The following WIF1 variants were observed in gnomAD, a reference collection of about 807,000 sequenced individuals.
WIF1 encodes Wnt inhibitory factor 1.
WIF1 carries 35 observed loss-of-function variants against 53.5 expected under a neutral mutation model. That is an observed-to-expected ratio of 0.65 (90% CI 0.50 to 0.87). The LOEUF (loss-of-function observed/expected upper bound fraction) is 0.87, where lower values mean the gene tolerates loss of function less well. Among genes scored for constraint, WIF1 ranks in the 40% least tolerant of loss-of-function variants. WIF1 has a pLI of 0.00. For synonymous variants in WIF1, 171 were observed against 170.4 expected, an observed-to-expected ratio of 1.00 and a Z score of -0.03; for missense variants, 467 against 476.8, an observed-to-expected ratio of 0.98 and a Z score of 0.19.
chr12:65,073,228 G>A (rs543439161), intron 3 of WIF1, among the ~76,000 whole-genome samples: 18 of 152,292 alleles, frequency 1.2e-4, no homozygotes, highest in South Asian at 4.1e-4. Context: ...AAGCTGCCCT[G>A]CCAGCCATTC....
intron 2 of WIF1, among the ~76,000 whole-genome samples, chr12:65,094,741 A>G (rs1883175617): frequency 6.6e-6 from 1 of 152,036 alleles, no homozygotes; most frequent in Non-Finnish European, 1.5e-5. Flanking sequence ...AATGCAATAA[A>G]TAAAGAGGGC....
chr12:65,059,400 T>C (rs1472760863), intron 7 of WIF1, among the ~76,000 whole-genome samples: 1 of 152,232 alleles, frequency 6.6e-6, no homozygotes, highest in African/African-American at 2.4e-5. Flanking sequence ...TTGAGAACTT[T>C]AATAAGAAGA....
Position 65,121,302 on chromosome 12 carries a change from G to C in WIF1, c.-111C>G, listed in dbSNP as rs78942476. ...AGCTCCCTCAGCCAGGGCTGTTCCC[G>C]TTTAGACGGCTGGGCGCGTCGCCTC... On this transcript the variant is annotated 5_prime_UTR_variant, in exon 1 of 10. Coordinates refer to ENST00000286574, the MANE Select transcript of WIF1 (RefSeq NM_007191.5). 0.015 allele frequency: 18,781 copies of C among 1,268,146 alleles called. 166 individuals carry two copies. Among genetic ancestry groups the C allele is most frequent in the Non-Finnish European group, 0.017 (16,920 of 1,001,760 alleles). The allele number at this position is 1,268,146 out of a possible 1,614,324, so 78.6% of individuals were successfully genotyped here.
intron 2 of WIF1, among the ~76,000 whole-genome samples, chr12:65,119,271 G>A (rs952441304): frequency 3.9e-5 from 6 of 152,126 alleles, no homozygotes; most frequent in African/African-American, 1.2e-4. Context: ...TCTGCAAAAT[G>A]GGGGTATTAA....
chr12:65,073,900 A>G (rs1882819724), intron 3 of WIF1, among the ~76,000 whole-genome samples: 2 of 152,102 alleles, frequency 1.3e-5, no homozygotes, highest in Non-Finnish European at 2.9e-5. Flanking sequence ...AGGGAGTTGT[A>G]TATGCAAAGG....
At chr12:65,095,072 A>G (rs61924764) in intron 2 of WIF1, among the ~76,000 whole-genome samples, 31,458 of 151,006 alleles carry the variant, frequency 0.21, 3,459 homozygotes, top group Admixed American at 0.25. Flanking sequence ...GGCTGGGACT[A>G]CAGGTGCATG....
intron 2 of WIF1, among the ~76,000 whole-genome samples, chr12:65,099,431 A>C (rs1188986696): frequency 6.6e-6 from 1 of 152,192 alleles, no homozygotes; most frequent in Non-Finnish European, 1.5e-5. Context: ...GCTACAGAAG[A>C]TGCTCTGCAG....
intron 2 of WIF1, among the ~76,000 whole-genome samples, chr12:65,080,253 T>C (rs1310008926): frequency 1.3e-5 from 2 of 152,212 alleles, no homozygotes; most frequent in Non-Finnish European, 1.5e-5. Context: ...AAGACCACTG[T>C]GAACAGTTCC....
chr12:65,055,980 C>A (rs1351769518), intron 8 of WIF1, 51 bp downstream of exon 8: 2 of 1,538,054 alleles, frequency 1.3e-6, no homozygotes, highest in Admixed American at 3.5e-5. Context: ...GAGACTCCTG[C>A]TAGTTTAACG....
chr12:65,056,446 A>C (rs12297338), intron 7 of WIF1, among the ~76,000 whole-genome samples: 1,835 of 116,084 alleles, frequency 0.016, 57 homozygotes, highest in African/African-American at 0.059. Flanking sequence ...GCTAGTCTTG[A>C]TCTCCCGACC....
At chr12:65,111,347 C>T (rs1883428552) in intron 2 of WIF1, among the ~76,000 whole-genome samples, 1 of 152,124 alleles carries the variant, frequency 6.6e-6, no homozygotes, top group Non-Finnish European at 1.5e-5. Context: ...ATTATCTGAC[C>T]TGCCACTGCC....
chr12:65,056,361 A>T (rs578214967), intron 7 of WIF1, among the ~76,000 whole-genome samples: 8 of 51,560 alleles, frequency 1.6e-4, no homozygotes, highest in Admixed American at 2.3e-4. Context: ...TGCTGCATTT[A>T]TATCCTTTTT....
Position 65,068,649 on chromosome 12 carries a change from A to ATGTG in WIF1, c.538+111_538+114dup, listed in dbSNP as rs10590995. On this transcript the variant is annotated intron_variant, in intron 4 of 9. Transcript: ENST00000286574. ...TTATAGAGCCATCATCCAAAAAACCATGTGTGTGTGTGTGTGTGTGTGTGT... is the reference window on the plus strand; with the variant it reads ...TTATAGAGCCATCATCCAAAAAACCATGTGTGTGTGTGTGTGTGTGTGTGTGTGT... 0.022 allele frequency: 21,860 copies of ATGTG among 1,003,594 alleles called. 896 individuals carry two copies. Among genetic ancestry groups the ATGTG allele is most frequent in the African/African-American group, 0.19 (10,247 of 55,330 alleles). The allele number at this position is 1,003,594 out of a possible 1,614,324, so 62.2% of individuals were successfully genotyped here.
In WIF1 at chr12:65,121,263, C is replaced by T; in HGVS notation, c.-72G>A. On this transcript the variant is annotated 5_prime_UTR_variant, in exon 1 of 10. Coordinates refer to ENST00000286574, the MANE Select transcript of WIF1 (RefSeq NM_007191.5). ...CTACGCAACCTGGCGCCGTCAGATA[C>T]TCTGCTGCGCTGCAGCTCCCTCAGC... 4.4e-6 allele frequency: 6 copies of T among 1,355,100 alleles called. No homozygotes were observed. The highest frequency in any genetic ancestry group is 5.7e-6 in the Non-Finnish European group (6 of 1,047,528). 83.9% of individuals were successfully genotyped at this position (1,355,100 alleles called of 1,614,324 possible). A position where few individuals can be genotyped will look rare whatever the true frequency, so the allele number is the denominator to read the frequency against.
chr12:65,073,646 G>T (rs1454042629), intron 3 of WIF1, among the ~76,000 whole-genome samples: 2 of 152,128 alleles, frequency 1.3e-5, no homozygotes, highest in Non-Finnish European at 2.9e-5. Context: ...CAGCTTGGGG[G>T]TATAAAATAG....
At chr12:65,108,408 T>C (rs1883382235) in intron 2 of WIF1, among the ~76,000 whole-genome samples, 1 of 152,166 alleles carries the variant, frequency 6.6e-6, no homozygotes, top group African/African-American at 2.4e-5. Context: ...TTTTTTTCAA[T>C]TGTCTACCAG....
chr12:65,085,598 C>T (rs1417245762), intron 2 of WIF1, among the ~76,000 whole-genome samples: 1 of 152,140 alleles, frequency 6.6e-6, no homozygotes, highest in East Asian at 1.9e-4. Context: ...TGCAGCGTAG[C>T]TATTTATTTT....
chr12:65,086,023 A>G (rs931861635), intron 2 of WIF1, among the ~76,000 whole-genome samples: 1 of 152,100 alleles, frequency 6.6e-6, no homozygotes, highest in African/African-American at 2.4e-5. Context: ...CTATATTGCT[A>G]TTTTGTATTA....
Position 65,055,294 on chromosome 12 carries a change from CT to C in WIF1, c.923-82del, listed in dbSNP as rs1882506474. The C allele has an allele frequency of 7.6e-6, 11 of 1,451,300 alleles. No homozygotes were observed. The Middle Eastern group carries it at 2.0e-3, about 260-fold the overall frequency. 89.9% of individuals were successfully genotyped at this position (1,451,300 alleles called of 1,614,324 possible). A position where few individuals can be genotyped will look rare whatever the true frequency, so the allele number is the denominator to read the frequency against. ...TTACATAGTTGCTTTCCTTGCAATT[CT>C]TTAGAATGTGTTAGTTTTGGCTTCA... On this transcript the variant is annotated intron_variant, in intron 8 of 9. Coordinates refer to ENST00000286574, the MANE Select transcript of WIF1 (RefSeq NM_007191.5).
Sources: gnomAD v4.1 joint callset for allele counts (sites outside exome capture counted in the v4.1 genomes callset) on GRCh38, gnomAD v4.1.1 for gene constraint, MANE v1.5 for transcripts, NCBI Gene and HGNC (gene_info 2026-07-23, HGNC 2026-07-21) for gene names.